NRGN: variants seen among roughly 807,000 people sequenced by gnomAD.
The protein encoded by NRGN is neurogranin.
For synonymous variants in NRGN, 47 were observed against 52.8 expected (o/e 0.89, Z 0.47); for missense variants, 82 against 123.0 (o/e 0.67, Z 1.58).
rs1383658596 is a variant in NRGN at position 124,746,467 on chromosome 11, G to T, written c.*87G>T. 1 of 152,770 alleles carries T rather than the reference G, an allele frequency of 6.5e-6. No homozygotes were observed. The highest frequency in any genetic ancestry group is 1.9e-4 in the East Asian group (1 of 5,182). 9.5% of individuals were successfully genotyped at this position (152,770 alleles called of 1,614,324 possible). A position where few individuals can be genotyped will look rare whatever the true frequency, so the allele number is the denominator to read the frequency against. On this transcript the variant is annotated 3_prime_UTR_variant, in exon 4 of 4. Transcript: ENST00000284292. The stretch of plus-strand genomic sequence containing the variant: ...GACGAGACTTCCCTGCCGTGTTTGT[G>T]ACCCCCTCCTGCCCAGCAACCTGCC...
At position 124,743,046 on chromosome 11, in the gene NRGN, A is replaced by C. The variant is rs972602668; in HGVS notation, c.16-2457A>C. 9.8e-5 allele frequency among the ~76,000 whole-genome samples: 15 copies of C among 152,360 alleles called. No individual in the cohort carries two copies. In the South Asian group the frequency reaches 2.1e-3, roughly 21 times the overall value. On this transcript the variant is annotated intron_variant, in intron 1 of 3. Coordinates refer to ENST00000284292, the MANE Select transcript of NRGN (RefSeq NM_006176.3). ...ACCTTGGCTTTGGAAAGCACCAGCC[A>C]GGCACCATGACCAATGAACCTCTTC...
rs886655441 is a variant in NRGN, at chr11:124,740,708, G to A, written c.15+609G>A. ...AAGGGGCTGGGTGAAGTGACCGCGA[G>A]AGAGCCCTGCTGGCGAGGAAAGGAA... On this transcript the variant is annotated intron_variant, in intron 1 of 3. Transcript: ENST00000284292. This position sits in a 1 kb window ranked among gnomAD's most constrained non-coding sequence, Gnocchi z 7.5. Among the ~76,000 whole-genome samples the A allele has an allele frequency of 1.3e-5, 2 of 152,260 alleles. No homozygotes were observed. Among genetic ancestry groups the A allele is most frequent in the South Asian group, 4.1e-4 (2 of 4,836 alleles).
At chr11:124,743,779 C>A (rs748932700) in intron 1 of NRGN, among the ~76,000 whole-genome samples, 1 of 151,748 alleles carries the variant, frequency 6.6e-6, no homozygotes, top group African/African-American at 2.4e-5. Flanking sequence ...CTTCTATGAA[C>A]CGGATGGATG....
intron 1 of NRGN, among the ~76,000 whole-genome samples, chr11:124,742,582 G>A (rs558782695): frequency 2.6e-5 from 4 of 152,260 alleles, no homozygotes; most frequent in Admixed American, 2.6e-4. Context: ...GCTTAGTCTA[G>A]TTGGCTTGGC....
chr11:124,741,628 C>T (rs1480481384), intron 1 of NRGN, among the ~76,000 whole-genome samples: 1 of 151,564 alleles, frequency 6.6e-6, no homozygotes, highest in Non-Finnish European at 1.5e-5. Flanking sequence ...TTCCTCCCAG[C>T]AGTGTTGTAT....
rs1023712032 is a variant in NRGN, at chr11:124,745,123, G to A, written c.16-380G>A. ...TCCTTCTGAGCTGGAGGTACCCTCT[G>A]AGAGCAGGGGGACAGGCGGCCACTC... On this transcript the variant is annotated intron_variant, in intron 1 of 3. Coordinates refer to ENST00000284292, the MANE Select transcript of NRGN (RefSeq NM_006176.3). This position sits in a 1 kb window ranked among gnomAD's most constrained non-coding sequence, Gnocchi z 6.4. Among the ~76,000 whole-genome samples, 1 of 152,108 alleles carries A rather than the reference G, an allele frequency of 6.6e-6. No homozygotes were observed. The highest frequency in any genetic ancestry group is 1.5e-5 in the Non-Finnish European group (1 of 68,024).
intron 1 of NRGN, among the ~76,000 whole-genome samples, chr11:124,744,319 G>A (rs933124898): frequency 1.3e-5 from 2 of 152,256 alleles, no homozygotes; most frequent in East Asian, 3.8e-4. Flanking sequence ...TTGTGCAAGA[G>A]ACTTTATGCA....
In NRGN at chr11:124,745,256, TC is replaced by T. The variant is rs1943999274; in HGVS notation, c.16-245del. 6.6e-6 allele frequency among the ~76,000 whole-genome samples: 1 copy of T among 152,100 alleles called. No homozygotes were observed. On this transcript the variant is annotated intron_variant, in intron 1 of 3. Coordinates refer to ENST00000284292, the MANE Select transcript of NRGN (RefSeq NM_006176.3). This position sits in a 1 kb window ranked among gnomAD's most constrained non-coding sequence, Gnocchi z 6.4. ...ATGGGCCTGGCTCTCCCGCACCCAA[TC>T]CTGCCTGCACTTCTCTTTCCTGAAT...
chr11:124,744,127 C>T (rs376553890), intron 1 of NRGN, among the ~76,000 whole-genome samples: 1 of 152,194 alleles, frequency 6.6e-6, no homozygotes, highest in Admixed American at 6.5e-5. Flanking sequence ...TCAGCCAGGG[C>T]AGGCTGTCAG....
chr11:124,746,770 CACTT>C lies in NRGN; in HGVS notation c.*392_*395del, dbSNP rs1944016741. The C allele has an allele frequency of 6.6e-6, 1 of 152,376 alleles. No individual in the cohort carries two copies. The highest frequency in any genetic ancestry group is 1.5e-5 in the Non-Finnish European group (1 of 68,060). 9.4% of individuals were successfully genotyped at this position (152,376 alleles called of 1,614,324 possible). On this transcript the variant is annotated 3_prime_UTR_variant, in exon 4 of 4. Transcript: ENST00000284292. The stretch of plus-strand genomic sequence containing the variant: ...GCCCTAAGCGTCACCCAAGCACACT[CACTT>C]AAAGAAAAAACGAGTTCTTTCGTTC...
At chr11:124,741,681 C>G (rs1943967049) in intron 1 of NRGN, among the ~76,000 whole-genome samples, 2 of 151,296 alleles carry the variant, frequency 1.3e-5, no homozygotes, top group Non-Finnish European at 2.9e-5. Flanking sequence ...GGGAAATGAG[C>G]TGGGGGGAGG....
chr11:124,740,005 A>G lies in NRGN; in HGVS notation c.-80A>G. 1.6e-6 allele frequency: 1 copy of G among 612,240 alleles called. No individual in the cohort carries two copies. The highest frequency in any genetic ancestry group is 2.6e-6 in the Non-Finnish European group (1 of 389,888). The allele number at this position is 612,240 out of a possible 1,614,324, so 37.9% of individuals were successfully genotyped here. On this transcript the variant is annotated 5_prime_UTR_variant, in exon 1 of 4. Coordinates refer to ENST00000284292, the MANE Select transcript of NRGN (RefSeq NM_006176.3). This position sits in a 1 kb window ranked among gnomAD's most constrained non-coding sequence, Gnocchi z 7.5. ...GTCGGCTGGCGGCCGACTGCCCCAGAGCCCCCACCCGGCACCACACAGACC... is the reference window on the plus strand; with the variant it reads ...GTCGGCTGGCGGCCGACTGCCCCAGGGCCCCCACCCGGCACCACACAGACC...
chr11:124,745,571 G>C lies in NRGN; in HGVS notation c.84G>C (p.Ala28=). The change falls in exon 2 of 4, where the codon GCG becomes GCC. Residue 28 remains alanine, a synonymous_variant. Coordinates refer to ENST00000284292, the MANE Select transcript of NRGN (RefSeq NM_006176.3). This position sits in a 1 kb window ranked among gnomAD's most constrained non-coding sequence, Gnocchi z 6.4. Reference sequence around the variant, plus strand: ...CGCTGGACGATCCCGGCGCCAACGCGGCCGCCGCCAAAATCCAGGCGAGTT... The same window carrying C: ...CGCTGGACGATCCCGGCGCCAACGCCGCCGCCGCCAAAATCCAGGCGAGTT... ...DIPLDDPGAN[A]AAAKIQASFR... 6.2e-7 allele frequency: 1 copy of C among 1,606,656 alleles called. No homozygotes were observed. The highest frequency in any genetic ancestry group is 8.5e-7 in the Non-Finnish European group (1 of 1,177,810).
intron 1 of NRGN, among the ~76,000 whole-genome samples, chr11:124,741,845 G>A (rs1943968564): frequency 6.6e-6 from 1 of 152,112 alleles, no homozygotes; most frequent in African/African-American, 2.4e-5. Flanking sequence ...AGTAGGATGT[G>A]GGGGTCCCTG....
chr11:124,745,663 G>T lies in NRGN; in HGVS notation c.176G>T (p.Gly59Val). ...CGCGGCCGGAAGGGCCCGGGCCCTG[G>T]GGGGCCTGGCGGAGCTGGGGTGGCC... ...GERGRKGPGP[G>V]GPGGAGVARG... Residue 59 changes from glycine to valine, a missense_variant, in exon 2 of 4, where the codon GGG becomes GTG. By Grantham distance (109) the Gly-to-Val change is moderately radical. Transcript: ENST00000284292. The surrounding 1 kb of genome is among the most constrained non-coding windows in gnomAD (Gnocchi z 6.4). The T allele has an allele frequency of 6.6e-7, 1 of 1,512,146 alleles. No individual in the cohort carries two copies. Among genetic ancestry groups the T allele is most frequent in the Non-Finnish European group, 8.8e-7 (1 of 1,134,906 alleles). The allele number at this position is 1,512,146 out of a possible 1,614,324, so 93.7% of individuals were successfully genotyped here.
chr11:124,745,191 C>G lies in NRGN; in HGVS notation c.16-312C>G, dbSNP rs1278901419. On this transcript the variant is annotated intron_variant, in intron 1 of 3. Coordinates refer to ENST00000284292, the MANE Select transcript of NRGN (RefSeq NM_006176.3). This position sits in a 1 kb window ranked among gnomAD's most constrained non-coding sequence, Gnocchi z 6.4. Reference sequence around the variant, plus strand: ...GTTTTCCTTGCCCCTCCAAACCCACCCTCCAATCAGCTCTGCAGACCCCTA... The same window carrying G: ...GTTTTCCTTGCCCCTCCAAACCCACGCTCCAATCAGCTCTGCAGACCCCTA... Among the ~76,000 whole-genome samples the G allele has an allele frequency of 6.6e-6, 1 of 152,106 alleles. No homozygotes were observed. Among genetic ancestry groups the G allele is most frequent in the African/African-American group, 2.4e-5 (1 of 41,404 alleles).
rs1944018967 is a variant in NRGN, at chr11:124,746,902, T to C, written c.*522T>C. 6.5e-6 allele frequency: 1 copy of C among 152,720 alleles called. No homozygotes were observed. Among genetic ancestry groups the C allele is most frequent in the Non-Finnish European group, 1.5e-5 (1 of 68,104 alleles). The allele number at this position is 152,720 out of a possible 1,614,324, so 9.5% of individuals were successfully genotyped here. A position where few individuals can be genotyped will look rare whatever the true frequency, so the allele number is the denominator to read the frequency against. On this transcript the variant is annotated 3_prime_UTR_variant, in exon 4 of 4. Coordinates refer to ENST00000284292, the MANE Select transcript of NRGN (RefSeq NM_006176.3). ...GCGAGATGAAGGGAAGAGGGTTGTTTTGGTTTCGGACGACCCTTGCTCTGA... is the reference window on the plus strand; with the variant it reads ...GCGAGATGAAGGGAAGAGGGTTGTTCTGGTTTCGGACGACCCTTGCTCTGA...
In NRGN at chr11:124,740,115, C is replaced by CG. The variant is rs11399333; in HGVS notation, c.15+21dup. 0.26 allele frequency: 350,747 copies of CG among 1,330,740 alleles called. 49,631 individuals carry two copies. Among genetic ancestry groups the CG allele is most frequent in the African/African-American group, 0.54 (35,583 of 66,294 alleles). 82.4% of individuals were successfully genotyped at this position (1,330,740 alleles called of 1,614,324 possible). A position where few individuals can be genotyped will look rare whatever the true frequency, so the allele number is the denominator to read the frequency against. ...CTGCTGCACCGTAAGTTAGAGGGCC[C>CG]GGGGGAGGGGCACTTGGCGGGGTCC... On this transcript the variant is annotated intron_variant, in intron 1 of 3. Coordinates refer to ENST00000284292, the MANE Select transcript of NRGN (RefSeq NM_006176.3). The surrounding 1 kb of genome is among the most constrained non-coding windows in gnomAD (Gnocchi z 7.5).
At position 124,740,141 on chromosome 11, in the gene NRGN, G is replaced by A. The variant is rs1943955813; in HGVS notation, c.15+42G>A. 2.3e-6 allele frequency: 3 copies of A among 1,297,116 alleles called. No individual in the cohort carries two copies. Among genetic ancestry groups the A allele is most frequent in the Non-Finnish European group, 3.0e-6 (3 of 1,009,734 alleles). The allele number at this position is 1,297,116 out of a possible 1,614,324, so 80.4% of individuals were successfully genotyped here. On this transcript the variant is annotated intron_variant, in intron 1 of 3. Transcript: ENST00000284292. The surrounding 1 kb of genome is among the most constrained non-coding windows in gnomAD (Gnocchi z 7.5). ...GGGGGAGGGGCACTTGGCGGGGTCC[G>A]CTGCGAGAGGCGCCTGAGAAAGCCC...
Sources: gnomAD v4.1 joint callset for allele counts (sites outside exome capture counted in the v4.1 genomes callset) on GRCh38, gnomAD v4.1.1 for gene constraint, Gnocchi (gnomAD v3.1) non-coding constraint, MANE v1.5 for transcripts, NCBI Gene and HGNC (gene_info 2026-07-23, HGNC 2026-07-21) for gene names.